The following DNMBP variants were observed in gnomAD, a reference collection of about 807,000 sequenced individuals.
DNMBP encodes dynamin binding protein.
A neutral mutation model predicts 150.0 loss-of-function variants in DNMBP; 87 were observed. The observed-to-expected ratio is 0.58, with a 90% CI of 0.49 to 0.69. The LOEUF is 0.69. DNMBP is among the 30% of genes least tolerant of loss of function. DNMBP has a pLI of 0.00. For synonymous variants in DNMBP, 711 were observed against 750.4 expected, an observed-to-expected ratio of 0.95 and a Z score of 0.86; for missense variants, 1,774 against 1,949.0, an observed-to-expected ratio of 0.91 and a Z score of 1.69.
intron 4 of DNMBP, among the ~76,000 whole-genome samples, chr10:99,943,650 A>G (rs116563172): frequency 1.4e-4 from 22 of 152,214 alleles, no homozygotes; most frequent in African/African-American, 5.1e-4. Context: ...TGGTCTCCCA[A>G]AGGGCTGGGA....
rs767634047 is a variant in DNMBP at position 99,880,128 on chromosome 10, T to C, written c.4231A>G (p.Lys1411Glu). The C allele has an allele frequency of 2.5e-6, 4 of 1,614,040 alleles. No individual in the cohort carries two copies. Among genetic ancestry groups the C allele is most frequent in the East Asian group, 4.5e-5 (2 of 44,894 alleles). The change falls in exon 16 of 17, where the codon AAA (lysine) becomes GAA (glutamate). Residue 1411 changes from lysine (K) to glutamate (E), a missense_variant. Physicochemically the swap from Lys to Glu is moderately conservative, Grantham distance 56. Around this residue, in one of 2 missense-constraint regions of DNMBP, gnomAD observed 1,430 missense variants for 1,492.5 expected, o/e 0.96. Transcript: ENST00000324109. ...KQPQDASPPPKECDQGTLSAS... is the reference protein window; with the variant it reads ...KQPQDASPPPEECDQGTLSAS... ...CTGAGAGTTCCTTGGTCACATTCTT[T>C]TGGCGGAGGAGATGCATCTTGAGGC...
intron 3 of DNMBP, among the ~76,000 whole-genome samples, chr10:99,960,293 C>T (rs1211168690): frequency 2.0e-5 from 3 of 152,080 alleles, no homozygotes; most frequent in African/African-American, 7.2e-5. Context: ...TTTAATCTTA[C>T]AGTTAAGATT....
chr10:99,918,574 C>CTTTTT lies in DNMBP; in HGVS notation c.2261-9433_2261-9429dup, dbSNP rs71009786. Among the ~76,000 whole-genome samples the CTTTTT allele has an allele frequency of 3.0e-4, 41 of 137,914 alleles. 1 individual carries two copies. The highest frequency in any genetic ancestry group is 9.6e-4 in the African/African-American group (35 of 36,616). 90.5% of individuals were successfully genotyped at this position (137,914 alleles called of 152,430 possible). On this transcript the variant is annotated intron_variant, in intron 4 of 16. Transcript: ENST00000324109. ...CCCAAATTACAGGAGTCTGCAACTT[C>CTTTTT]TTTTTTTTTTTTGAAAAGGAGTCTC...
intron 1 of DNMBP, among the ~76,000 whole-genome samples, chr10:99,978,881 T>A (rs1301829259): frequency 6.6e-6 from 1 of 151,994 alleles, no homozygotes; most frequent in Non-Finnish European, 1.5e-5. Flanking sequence ...GGCCAGCAGT[T>A]TTTTTTTATT....
chr10:99,991,269 G>T (rs949633068), intron 1 of DNMBP, among the ~76,000 whole-genome samples: 1 of 151,892 alleles, frequency 6.6e-6, no homozygotes, highest in African/African-American at 2.4e-5. Flanking sequence ...AGTAGAGACA[G>T]AGTTTCACTA....
chr10:99,881,105 G>C (rs1217916907), intron 15 of DNMBP, among the ~76,000 whole-genome samples: 1 of 152,064 alleles, frequency 6.6e-6, no homozygotes, highest in Non-Finnish European at 1.5e-5. Flanking sequence ...GTGCGCACCT[G>C]TAATCCCAGC....
At chr10:99,906,032 A>G (rs2039821047) in intron 6 of DNMBP, among the ~76,000 whole-genome samples, 1 of 152,216 alleles carries the variant, frequency 6.6e-6, no homozygotes, top group Non-Finnish European at 1.5e-5. Context: ...AACAACTGAG[A>G]TCCAGCTGGA....
rs1425530363 is a variant in DNMBP at position 99,879,865 on chromosome 10, C to G, written c.4494G>C (p.Gln1498His). 6.2e-7 allele frequency: 1 copy of G among 1,614,248 alleles called. No homozygotes were observed. Among genetic ancestry groups the G allele is most frequent in the Non-Finnish European group, 8.5e-7 (1 of 1,180,040 alleles). Residue 1498 changes from glutamine (Q) to histidine (H), a missense_variant, in exon 16 of 17, where the codon CAG (glutamine) becomes CAC (histidine). Around this residue, in one of 2 missense-constraint regions of DNMBP, gnomAD observed 1,430 missense variants for 1,492.5 expected, o/e 0.96. Transcript: ENST00000324109. ...GCTCTGTACTTCTGTCTTCCGGAGC[C>G]TGGGCTGTTCTTGCACATCCTTTGA... is the stretch of plus-strand genomic sequence containing the variant. ...DLVKGCARTAQAPEDRSTEPD... is the reference protein window; with the variant it reads ...DLVKGCARTAHAPEDRSTEPD...
At chr10:100,005,615 C>T (rs535231089) in intron 1 of DNMBP, among the ~76,000 whole-genome samples, 2 of 151,782 alleles carry the variant, frequency 1.3e-5, no homozygotes, top group East Asian at 1.9e-4. Context: ...ATTAGCTGGG[C>T]GTGGTGGCGC....
chr10:99,943,631 C>T (rs937787204), intron 4 of DNMBP, among the ~76,000 whole-genome samples: 1 of 152,100 alleles, frequency 6.6e-6, no homozygotes, highest in Non-Finnish European at 1.5e-5. Context: ...TAAAGCAATC[C>T]TCCTACCTTG....
chr10:99,880,393 C>A, intron 15 of DNMBP, 32 bp from the exon 16 acceptor site: 1 of 1,518,356 alleles, frequency 6.6e-7, no homozygotes, highest in Non-Finnish European at 8.8e-7. Context: ...TAAACAAGAA[C>A]TCTTAGCAGA....
chr10:99,886,165 T>G lies in DNMBP; in HGVS notation c.3618+135A>C. On this transcript the variant is annotated intron_variant, in intron 13 of 16. Transcript: ENST00000324109. Reference sequence around the variant, plus strand: ...ATGACACCATCAAGGGATTAAGATTTCCTGAGGGATGAACTAGCGACACAT... The same window carrying G: ...ATGACACCATCAAGGGATTAAGATTGCCTGAGGGATGAACTAGCGACACAT... 1.2e-5 allele frequency: 9 copies of G among 779,986 alleles called. No homozygotes were observed. The South Asian group carries it at 1.7e-4, about 15-fold the overall frequency. The allele number at this position is 779,986 out of a possible 1,614,324, so 48.3% of individuals were successfully genotyped here.
chr10:99,941,642 AT>A (rs2040302419), intron 4 of DNMBP, among the ~76,000 whole-genome samples: 2 of 151,466 alleles, frequency 1.3e-5, no homozygotes, highest in South Asian at 4.2e-4. Context: ...CTAATTTTGT[AT>A]TTTTAGTAGA....
intron 1 of DNMBP, among the ~76,000 whole-genome samples, chr10:99,985,393 G>A (rs1268259314): frequency 6.6e-6 from 1 of 152,176 alleles, no homozygotes; most frequent in East Asian, 1.9e-4. Context: ...CAAACCCAAT[G>A]AATGGCTGAT....
intron 14 of DNMBP, among the ~76,000 whole-genome samples, chr10:99,885,229 G>C (rs1482751005): frequency 1.3e-5 from 2 of 152,038 alleles, no homozygotes; most frequent in African/African-American, 4.8e-5. Context: ...CACAAAAAAA[G>C]CCTGGGGATG....
At chr10:99,994,668 A>G (rs564012838) in intron 1 of DNMBP, among the ~76,000 whole-genome samples, 22 of 152,226 alleles carry the variant, frequency 1.4e-4, no homozygotes, top group Non-Finnish European at 2.6e-4. Flanking sequence ...ATATGGGTCC[A>G]GGAAAGCCTT....
chr10:99,895,122 CTTTT>C (rs373241582), intron 10 of DNMBP, 72 bp from the exon 11 acceptor site: 1,864 of 506,454 alleles, frequency 3.7e-3, no homozygotes, highest in East Asian at 4.7e-3. Flanking sequence ...AAGTAGCTTG[CTTTT>C]TTTTTTTTTT....
At chr10:99,899,108 T>C (rs1343957410) in intron 7 of DNMBP, among the ~76,000 whole-genome samples, 4 of 151,976 alleles carry the variant, frequency 2.6e-5, no homozygotes, top group Admixed American at 6.6e-5. Flanking sequence ...AGGGGATCGC[T>C]TGAACCCGGG....
At chr10:100,000,446 A>T (rs2040995956) in intron 1 of DNMBP, among the ~76,000 whole-genome samples, 1 of 152,198 alleles carries the variant, frequency 6.6e-6, no homozygotes, top group African/African-American at 2.4e-5. Context: ...TGTCAGCAAC[A>T]CAAACATTCA....
Sources: gnomAD v4.1 joint callset for allele counts (sites outside exome capture counted in the v4.1 genomes callset) on GRCh38, gnomAD v4.1.1 for gene constraint, gnomAD v4.1.1 regional missense constraint, MANE v1.5 for transcripts, NCBI Gene and HGNC (gene_info 2026-07-23, HGNC 2026-07-21) for gene names.